Variants in ANO1 observed in about 807,000 individuals in gnomAD.
The protein encoded by ANO1 is anoctamin-1.
A neutral mutation model predicts 124.0 loss-of-function variants in ANO1; 59 were observed. The observed-to-expected ratio is 0.48, with a 90% CI of 0.39 to 0.59. The LOEUF (loss-of-function observed/expected upper bound fraction) is 0.59. Ranked by LOEUF, ANO1 falls within the 20% of genes least tolerant of loss-of-function variation. The pLI is 0.00. For missense variants in ANO1, 1,059 were observed against 1,328.0 expected, an observed-to-expected ratio of 0.80 and a Z score of 3.15; for synonymous variants, 529 against 532.0, an observed-to-expected ratio of 0.99 and a Z score of 0.08.
At chr11:70,030,002 C>A (rs1856973728) in intron 1 of ANO1, among the ~76,000 whole-genome samples, 1 of 152,214 alleles carries the variant, frequency 6.6e-6, no homozygotes, top group African/African-American at 2.4e-5. Context: ...GGCAGGCTGG[C>A]ACAGCTTTTT....
chr11:70,151,628 G>A lies in ANO1; in HGVS notation c.1342-822G>A, dbSNP rs35402765. On this transcript the variant is annotated intron_variant, in intron 12 of 25. Transcript: ENST00000355303. ...CCTGATGGCTTGGGATCTTGATTTTGGGGGTGATAACCGAAGTCACTGGGC... is the reference window on the plus strand; with the variant it reads ...CCTGATGGCTTGGGATCTTGATTTTAGGGGTGATAACCGAAGTCACTGGGC... 5.3e-3 allele frequency among the ~76,000 whole-genome samples: 807 copies of A among 152,226 alleles called. 4 individuals are homozygous for A. The highest frequency in any genetic ancestry group is 9.4e-3 in the Non-Finnish European group (637 of 68,012).
At chr11:70,000,484 T>C (rs1236262821) in intron 1 of ANO1, among the ~76,000 whole-genome samples, 4 of 115,222 alleles carry the variant, frequency 3.5e-5, no homozygotes, top group African/African-American at 1.1e-4. Context: ...TACACCCACC[T>C]GAGGGGCTGA....
intron 1 of ANO1, among the ~76,000 whole-genome samples, chr11:70,039,332 G>A (rs1423748048): frequency 1.3e-5 from 2 of 152,142 alleles, no homozygotes; most frequent in Middle Eastern, 6.3e-3. Context: ...TTTGAAACCT[G>A]CCATCTTCTG....
chr11:70,116,723 G>A lies in ANO1; in HGVS notation c.897+224G>A. 5 of 540,600 alleles carry A rather than the reference G, an allele frequency of 9.2e-6. No individual in the cohort carries two copies. The South Asian group carries it at 1.1e-4, about 12-fold the overall frequency. 33.5% of individuals were successfully genotyped at this position (540,600 alleles called of 1,614,324 possible). On this transcript the variant is annotated intron_variant, in intron 8 of 25. Coordinates refer to ENST00000355303, the MANE Select transcript of ANO1 (RefSeq NM_018043.7). ...TTTCCTCTTTCTGATTGTCAAAAAT[G>A]CCCTTGGCAGGTGACCGTGAGCATG... is the stretch of plus-strand genomic sequence containing the variant.
At chr11:70,177,264 T>C (rs368071579) in intron 22 of ANO1, among the ~76,000 whole-genome samples, 13 of 152,358 alleles carry the variant, frequency 8.5e-5, no homozygotes, top group African/African-American at 3.1e-4. Flanking sequence ...TTCGGAGGTC[T>C]CAAACTCAGC....
intron 21 of ANO1, chr11:70,170,267 C>G (rs568765328): frequency 2.4e-6 from 1 of 420,614 alleles, no homozygotes; most frequent in South Asian, 1.7e-5. Context: ...CAGGCTGGGC[C>G]TTTGAGCTCA....
intron 1 of ANO1, chr11:70,065,021 A>G (rs1857683525): frequency 6.6e-6 from 1 of 152,282 alleles, no homozygotes; most frequent in Admixed American, 6.5e-5. Context: ...CTTAAAAAAT[A>G]TGTGGTTGAG....
At chr11:70,125,920 C>A in intron 9 of ANO1, 141 bp from the exon 10 acceptor site, 1 of 1,032,156 alleles carries the variant, frequency 9.7e-7, no homozygotes, top group Non-Finnish European at 1.4e-6. Flanking sequence ...TGGGGCGGCC[C>A]AGGACCCCAC....
intron 24 of ANO1, among the ~76,000 whole-genome samples, 171 bp downstream of exon 24, chr11:70,182,857 C>T (rs2048982140): frequency 6.6e-6 from 1 of 152,050 alleles, no homozygotes; most frequent in African/African-American, 2.4e-5. Flanking sequence ...ACCCGTCATC[C>T]CAGCACTTTG....
At chr11:70,075,913 G>A (rs553162738), upstream of ANO1, among the ~76,000 whole-genome samples, 40 of 152,238 alleles carry the variant, frequency 2.6e-4, no homozygotes, top group Admixed American at 1.6e-3. Context: ...TTCTTTTCCC[G>A]CTCCTATTTT....
intron 1 of ANO1, among the ~76,000 whole-genome samples, chr11:70,049,604 A>G (rs1460588424): frequency 6.6e-6 from 1 of 152,218 alleles, no homozygotes; most frequent in African/African-American, 2.4e-5. Flanking sequence ...AATGGTGGGG[A>G]TAACTATTCC....
At chr11:70,026,324 A>ATGGTGG (rs797043741) in intron 1 of ANO1, among the ~76,000 whole-genome samples, 4 of 145,498 alleles carry the variant, frequency 2.7e-5, no homozygotes, top group Non-Finnish European at 4.5e-5. Context: ...GGCATTGATG[A>ATGGTGG]TGGTGGTGGT....
chr11:69,971,786 C>A, the ANO1 span, among the ~76,000 whole-genome samples: 1,480 of 152,162 alleles, frequency 9.7e-3, 25 homozygotes, highest in African/African-American at 0.033. Context: ...GGGTGTCCTC[C>A]CCGTGTGTTT....
At chr11:70,018,807 C>T (rs1212065528) in intron 1 of ANO1, among the ~76,000 whole-genome samples, 2 of 152,166 alleles carry the variant, frequency 1.3e-5, no homozygotes, top group Non-Finnish European at 2.9e-5. Context: ...CAGCAAGAGA[C>T]CACACATTCA....
In ANO1 at chr11:69,986,337, C is replaced by T. The variant is rs577415304; in HGVS notation, c.58+171C>T. On this transcript the variant is annotated intron_variant, in intron 1 of 27. Transcript: ENST00000531349. The stretch of plus-strand genomic sequence containing the variant: ...AGTCCTCCCCCCTCCGCGCTGCTCC[C>T]GGTGAAGGCGAGAGGGGAGGGACTG... 2.6e-5 allele frequency among the ~76,000 whole-genome samples: 4 copies of T among 152,082 alleles called. No individual in the cohort carries two copies. In the East Asian group the frequency reaches 7.9e-4, roughly 30 times the overall value.
the ANO1 span, among the ~76,000 whole-genome samples, chr11:69,977,677 C>T: frequency 2.0e-5 from 3 of 152,168 alleles, no homozygotes; most frequent in African/African-American, 4.8e-5. Context: ...CCTGGGGACA[C>T]GGACTTACCC....
chr11:69,988,542 G>T (rs1554997126), intron 1 of ANO1, among the ~76,000 whole-genome samples: 1 of 152,114 alleles, frequency 6.6e-6, no homozygotes, highest in Admixed American at 6.5e-5. Flanking sequence ...TATGACCCAG[G>T]TGTGAAGTCA....
intron 1 of ANO1, among the ~76,000 whole-genome samples, chr11:70,024,782 C>A (rs185162122): frequency 1.7e-3 from 261 of 152,310 alleles, no homozygotes; most frequent in Middle Eastern, 3.4e-3. Context: ...CAGACATAGG[C>A]GGATCCCACC....
rs143496132 is a variant in ANO1, at chr11:70,134,421, G to A, written c.1258+2342G>A. On this transcript the variant is annotated intron_variant, in intron 11 of 25. Coordinates refer to ENST00000355303, the MANE Select transcript of ANO1 (RefSeq NM_018043.7). Reference sequence around the variant, plus strand: ...TAGCGCCCCCGGGGCTCAGACTCCCGCTCTGCCAGTTCCCACCTCACTGCT... The same window carrying A: ...TAGCGCCCCCGGGGCTCAGACTCCCACTCTGCCAGTTCCCACCTCACTGCT... 2.4e-3 allele frequency among the ~76,000 whole-genome samples: 371 copies of A among 152,224 alleles called. 1 individual carries two copies. Among genetic ancestry groups the A allele is most frequent in the Non-Finnish European group, 4.2e-3 (284 of 68,000 alleles).
Sources: gnomAD v4.1 joint callset for allele counts (sites outside exome capture counted in the v4.1 genomes callset) on GRCh38, gnomAD v4.1.1 for gene constraint, MANE v1.5 for transcripts, NCBI Gene and HGNC (gene_info 2026-07-23, HGNC 2026-07-21) for gene names.